LEF1: variants seen among roughly 807,000 people sequenced by gnomAD.
LEF1 encodes lymphoid enhancer binding factor 1.
In LEF1, 14 loss-of-function variants were observed where a neutral mutation model predicts 51.2. The observed-to-expected ratio is 0.27, with a 90% CI of 0.18 to 0.43. The LOEUF is 0.43. LEF1 is among the 20% of genes least tolerant of loss of function. The pLI, the probability that LEF1 is intolerant of heterozygous loss-of-function variation, is 1.00. For missense variants in LEF1, 386 were observed against 512.0 expected, an observed-to-expected ratio of 0.75 and a Z score of 2.37; for synonymous variants, 185 against 183.2, an observed-to-expected ratio of 1.01 and a Z score of -0.08.
chr4:108,052,210 G>A (rs1208789602), intron 11 of LEF1, among the ~76,000 whole-genome samples: 1 of 152,132 alleles, frequency 6.6e-6, no homozygotes, highest in African/African-American at 2.4e-5. Flanking sequence ...CCAAGGCAAG[G>A]GCAGCAAAGC....
chr4:108,057,038 C>A (rs547230435), intron 11 of LEF1, among the ~76,000 whole-genome samples: 2 of 152,012 alleles, frequency 1.3e-5, no homozygotes, highest in Admixed American at 1.3e-4. Context: ...GGCTGCCGTG[C>A]GACACTTGGT....
rs1740647364 is a variant in LEF1, at chr4:108,099,576, A to ATATATATGTGTGTG, written c.415-10320_415-10319insCACACACATATATA. Among the ~76,000 whole-genome samples the ATATATATGTGTGTG allele has an allele frequency of 1.5e-4, 6 of 39,534 alleles. No individual in the cohort carries two copies. The South Asian group carries it at 4.9e-3, about 32-fold the overall frequency. 25.9% of individuals were successfully genotyped at this position (39,534 alleles called of 152,430 possible). On this transcript the variant is annotated intron_variant, in intron 3 of 11. Transcript: ENST00000265165. ...TGTGTATGTGTGTGTGTGTGTATAT[A>ATATATATGTGTGTG]TATATATATATATATATATATATAT...
intron 3 of LEF1, among the ~76,000 whole-genome samples, chr4:108,089,632 G>A (rs563366336): frequency 1.0e-3 from 152 of 152,250 alleles, no homozygotes; most frequent in Non-Finnish European, 1.7e-3. Context: ...ATTTATGAAT[G>A]TTTTACAACA....
chr4:108,065,763 G>A (rs1738039848), intron 9 of LEF1, among the ~76,000 whole-genome samples: 1 of 152,172 alleles, frequency 6.6e-6, no homozygotes, highest in Non-Finnish European at 1.5e-5. Context: ...ATAAGCTAGA[G>A]ATATTGGATA....
chr4:108,070,974 C>T, intron 8 of LEF1: 1 of 490,044 alleles, frequency 2.0e-6, no homozygotes, highest in Non-Finnish European at 3.7e-6. Context: ...GTTTCTCTAT[C>T]CTGTTCTCTG....
intron 9 of LEF1, 116 bp downstream of exon 9, chr4:108,070,547 A>G (rs1190970481): frequency 2.2e-5 from 13 of 596,404 alleles, no homozygotes; most frequent in Non-Finnish European, 3.9e-5. Flanking sequence ...AAGTTCATTA[A>G]CTTCCAAAAA....
chr4:108,122,687 T>C (rs545571080), intron 3 of LEF1, among the ~76,000 whole-genome samples: 137 of 152,190 alleles, frequency 9.0e-4, no homozygotes, highest in Non-Finnish European at 1.5e-3. Context: ...GGTCCCACTA[T>C]GTTGCCCAGG....
intron 3 of LEF1, among the ~76,000 whole-genome samples, chr4:108,114,453 T>G (rs1249242161): frequency 1.3e-5 from 2 of 152,148 alleles, no homozygotes; most frequent in Non-Finnish European, 2.9e-5. Flanking sequence ...AGAAAGTGGT[T>G]ATTGCAGAAA....
intron 11 of LEF1, among the ~76,000 whole-genome samples, chr4:108,062,606 G>A (rs921022611): frequency 9.8e-5 from 15 of 152,318 alleles, no homozygotes; most frequent in South Asian, 4.2e-4. Flanking sequence ...TTCCAGGTCG[G>A]GAAGTGATGC....
intron 10 of LEF1, 105 bp from the exon 11 acceptor site, chr4:108,063,768 A>G (rs1049795353): frequency 2.6e-6 from 2 of 770,992 alleles, no homozygotes; most frequent in Non-Finnish European, 2.2e-6. Context: ...TTTACTTTTC[A>G]TGGTTCTTAT....
chr4:108,082,710 T>G (rs1739389469), intron 5 of LEF1, among the ~76,000 whole-genome samples: 1 of 152,220 alleles, frequency 6.6e-6, no homozygotes, highest in African/African-American at 2.4e-5. Context: ...TGTTATTCTT[T>G]CTTCCCAAAA....
chr4:108,162,056 A>C (rs971606410), intron 3 of LEF1, among the ~76,000 whole-genome samples: 1 of 152,210 alleles, frequency 6.6e-6, no homozygotes, highest in Admixed American at 6.5e-5. Flanking sequence ...TCAAGCATTT[A>C]TTTGAGGGGC....
intron 1 of LEF1, among the ~76,000 whole-genome samples, chr4:108,166,981 G>T (rs1438988098): frequency 6.6e-6 from 1 of 151,950 alleles, no homozygotes; most frequent in African/African-American, 2.4e-5. Context: ...GCGCCCCATC[G>T]GCCGGCCTGC....
Position 108,048,727 on chromosome 4 carries a change from G to A in LEF1, c.*31C>T, listed in dbSNP as rs4365796. ...TGGGGTCGCTGCCTTGGCTTTGCAC[G>A]TTGGGAATGAGCTTCGTTTTCCACC... On this transcript the variant is annotated 3_prime_UTR_variant, in exon 12 of 12. Transcript: ENST00000265165. 12,382 of 1,607,412 alleles carry A rather than the reference G, an allele frequency of 7.7e-3. 979 individuals are homozygous for A. In the Admixed American group the frequency reaches 0.17, roughly 22 times the overall value.
intron 9 of LEF1, 165 bp downstream of exon 9, chr4:108,070,498 G>A (rs1432489804): frequency 1.2e-5 from 5 of 431,522 alleles, no homozygotes; most frequent in South Asian, 8.6e-5. Context: ...ATAGCTCGAA[G>A]CTTTCATAAT....
intron 9 of LEF1, chr4:108,070,369 T>C (rs112502265): frequency 1.4e-5 from 3 of 218,390 alleles, no homozygotes; most frequent in African/African-American, 4.5e-5. Context: ...TGCCTTTACA[T>C]AGTAAGATTA....
In LEF1 at chr4:108,158,444, C is replaced by T. The variant is rs144176275; in HGVS notation, c.414+5124G>A. 7.6e-4 allele frequency among the ~76,000 whole-genome samples: 115 copies of T among 152,048 alleles called. No individual in the cohort carries two copies. In the East Asian group the frequency reaches 0.021, roughly 28 times the overall value. ...AGAGAGAGAGAGAGAGAGCGCGCAA[C>T]CTTTAGTCCCAGGACAGCAGCACCT... On this transcript the variant is annotated intron_variant, in intron 3 of 11. Transcript: ENST00000265165.
intron 9 of LEF1, chr4:108,070,399 C>T (rs1042131723): frequency 4.5e-5 from 12 of 269,614 alleles, no homozygotes; most frequent in Non-Finnish European, 7.5e-5. Context: ...TTTAATGTTT[C>T]TTTTATCAAA....
rs146341088 is a variant in LEF1, at chr4:108,155,574, C to G, written c.414+7994G>C. On this transcript the variant is annotated intron_variant, in intron 3 of 11. Transcript: ENST00000265165. ...GGGTAGAGTCAAGCACTTCTTATAG[C>G]TGCAGAAATCCCACCAGGTGGGGCC... is the stretch of plus-strand genomic sequence containing the variant. Among the ~76,000 whole-genome samples, 285 of 152,312 alleles carry G rather than the reference C, an allele frequency of 1.9e-3. 1 individual carries two copies. Among genetic ancestry groups the G allele is most frequent in the African/African-American group, 6.6e-3 (275 of 41,562 alleles).
Sources: allele counts gnomAD v4.1 joint callset (sites outside exome capture counted in the v4.1 genomes callset), GRCh38; gene constraint gnomAD v4.1.1; transcripts MANE v1.5; gene names NCBI Gene and HGNC (gene_info 2026-07-23, HGNC 2026-07-21).